EYA2: variants seen among roughly 807,000 people sequenced by gnomAD.
EYA2 encodes protein phosphatase EYA2.
A neutral mutation model predicts 69.2 loss-of-function variants in EYA2; 31 were observed. That is an observed-to-expected ratio of 0.45 (90% CI 0.34 to 0.60). The LOEUF (loss-of-function observed/expected upper bound fraction) is 0.60, where lower values mean the gene tolerates loss of function less well. Ranked by LOEUF, EYA2 falls within the 20% of genes least tolerant of loss-of-function variation. The pLI is 0.02. For missense variants in EYA2, 622 were observed against 701.2 expected, an observed-to-expected ratio of 0.89 and a Z score of 1.28; for synonymous variants, 257 against 279.4, an observed-to-expected ratio of 0.92 and a Z score of 0.80.
At chr20:47,054,230 C>T (rs138543251) in intron 5 of EYA2, among the ~76,000 whole-genome samples, 1 of 152,128 alleles carries the variant, frequency 6.6e-6, no homozygotes, top group East Asian at 1.9e-4. Flanking sequence ...CCAACTTGAC[C>T]CTGATGCCAC....
intron 9 of EYA2, among the ~76,000 whole-genome samples, chr20:47,136,963 C>G (rs2146588797): frequency 6.6e-6 from 1 of 152,184 alleles, no homozygotes; most frequent in South Asian, 2.1e-4. Context: ...GCGTCTTTGT[C>G]TGATCCGTAC....
At chr20:47,055,227 A>G (rs1365453079) in intron 5 of EYA2, among the ~76,000 whole-genome samples, 1 of 152,154 alleles carries the variant, frequency 6.6e-6, no homozygotes, top group Non-Finnish European at 1.5e-5. Flanking sequence ...CTCGAACCTC[A>G]TTGCCCTGCA....
intron 1 of EYA2, among the ~76,000 whole-genome samples, chr20:46,942,678 T>C (rs1986205464): frequency 6.6e-6 from 1 of 152,206 alleles, no homozygotes; most frequent in Non-Finnish European, 1.5e-5. Context: ...GCCAGCCACT[T>C]AACCTCACCA....
chr20:47,166,393 T>TAAAAAAA (rs370944686), intron 10 of EYA2, among the ~76,000 whole-genome samples: 2 of 34,522 alleles, frequency 5.8e-5, no homozygotes, highest in Admixed American at 4.8e-4. Context: ...CAAGACTGTC[T>TAAAAAAA]AAAAAAAAAA....
intron 1 of EYA2, among the ~76,000 whole-genome samples, chr20:46,976,653 G>C (rs1002628539): frequency 2.2e-4 from 34 of 152,280 alleles, no homozygotes; most frequent in African/African-American, 7.0e-4. Context: ...CCAAAGTGTT[G>C]GGATTACAGG....
intron 5 of EYA2, among the ~76,000 whole-genome samples, chr20:47,036,101 T>TCAC (rs1984694848): frequency 6.6e-6 from 1 of 152,186 alleles, no homozygotes; most frequent in Non-Finnish European, 1.5e-5. Flanking sequence ...ACTCCCTTGG[T>TCAC]CACCACTTCA....
At chr20:47,179,016 C>A (rs905172396) in intron 12 of EYA2, among the ~76,000 whole-genome samples, 4 of 151,980 alleles carry the variant, frequency 2.6e-5, no homozygotes, top group African/African-American at 9.7e-5. Flanking sequence ...TGAAATAAAT[C>A]ATGTTAAAAG....
At chr20:46,934,366 G>T (rs1194239057) in intron 1 of EYA2, among the ~76,000 whole-genome samples, 1 of 119,810 alleles carries the variant, frequency 8.3e-6, no homozygotes, top group Non-Finnish European at 2.0e-5. Flanking sequence ...TCCTTGTCGT[G>T]GTGGTCCCCA....
At chr20:47,041,943 A>C (rs946301935) in intron 5 of EYA2, among the ~76,000 whole-genome samples, 1 of 152,162 alleles carries the variant, frequency 6.6e-6, no homozygotes, top group African/African-American at 2.4e-5. Context: ...GTTTGCCATA[A>C]ATGGAAGGTT....
intron 9 of EYA2, among the ~76,000 whole-genome samples, chr20:47,102,828 G>T (rs2032461613): frequency 3.3e-5 from 5 of 152,292 alleles, no homozygotes; most frequent in Admixed American, 3.3e-4. Context: ...AGTGACTGCT[G>T]CCTCTTTCCT....
chr20:46,975,781 T>G (rs6063051), intron 1 of EYA2, among the ~76,000 whole-genome samples: 99,397 of 152,062 alleles, frequency 0.65, 33,517 homozygotes, highest in Non-Finnish European at 0.73. Flanking sequence ...CGGGCGTGGT[T>G]CTGTGCACCT....
intron 5 of EYA2, among the ~76,000 whole-genome samples, chr20:47,016,525 T>C (rs1275448807): frequency 6.6e-6 from 1 of 151,462 alleles, no homozygotes; most frequent in Non-Finnish European, 1.5e-5. Flanking sequence ...TGGGAAGGGG[T>C]TGAATGTAAT....
intron 1 of EYA2, among the ~76,000 whole-genome samples, chr20:46,978,815 T>G (rs1189870921): frequency 6.6e-6 from 1 of 152,068 alleles, no homozygotes; most frequent in Non-Finnish European, 1.5e-5. Context: ...GGCCTGGAGA[T>G]GGATTGGACG....
At chr20:46,947,710 A>G (rs997094766) in intron 1 of EYA2, among the ~76,000 whole-genome samples, 1 of 152,202 alleles carries the variant, frequency 6.6e-6, no homozygotes, top group African/African-American at 2.4e-5. Flanking sequence ...TTCTTTGAAT[A>G]TTTCTTTGGT....
intron 9 of EYA2, 149 bp from the exon 10 acceptor site, chr20:47,142,910 C>T (rs2033625277): frequency 1.9e-6 from 1 of 530,580 alleles, no homozygotes; most frequent in Non-Finnish European, 3.3e-6. Context: ...TCACACCGGC[C>T]TCACACAGAG....
At chr20:46,968,963 T>G (rs1979961069) in intron 1 of EYA2, among the ~76,000 whole-genome samples, 1 of 152,204 alleles carries the variant, frequency 6.6e-6, no homozygotes, top group African/African-American at 2.4e-5. Flanking sequence ...TCAACCAGTG[T>G]ATGGAAAGCA....
At chr20:47,154,597 A>G (rs2033884353) in intron 10 of EYA2, among the ~76,000 whole-genome samples, 1 of 151,862 alleles carries the variant, frequency 6.6e-6, no homozygotes, top group African/African-American at 2.4e-5. Context: ...CTGGTTTGAG[A>G]AAAAGGATTC....
intron 9 of EYA2, among the ~76,000 whole-genome samples, chr20:47,134,357 C>CT (rs1397301649): frequency 6.6e-6 from 1 of 152,160 alleles, no homozygotes; most frequent in Non-Finnish European, 1.5e-5. Context: ...AGTGCCAACA[C>CT]TTTCTCTTAC....
chr20:46,980,083 G>A (rs1460432427), intron 1 of EYA2, among the ~76,000 whole-genome samples: 2 of 152,154 alleles, frequency 1.3e-5, no homozygotes, highest in Non-Finnish European at 2.9e-5. Context: ...AGTTGAAATT[G>A]TGATCCAGAG....
Sources: gnomAD v4.1 joint callset for allele counts (sites outside exome capture counted in the v4.1 genomes callset) on GRCh38, gnomAD v4.1.1 for gene constraint, MANE v1.5 for transcripts, NCBI Gene and HGNC (gene_info 2026-07-23, HGNC 2026-07-21) for gene names.